The following HPGD variants were observed in gnomAD, a reference collection of about 807,000 sequenced individuals.
HPGD encodes 15-hydroxyprostaglandin dehydrogenase [NAD(+)].
Under a neutral mutation model 30.0 loss-of-function variants are expected in HPGD, and 29 were observed. The observed-to-expected ratio is 0.97, with a 90% CI of 0.72 to 1.32. HPGD has a LOEUF of 1.32. HPGD is among the 40% of genes most tolerant of loss of function. HPGD has a pLI of 0.00. For missense variants in HPGD, 340 were observed against 322.1 expected, an observed-to-expected ratio of 1.06 and a Z score of -0.43; for synonymous variants, 99 against 112.4, an observed-to-expected ratio of 0.88 and a Z score of 0.75.
intron 4 of HPGD, among the ~76,000 whole-genome samples, chr4:174,505,529 G>A (rs757460859): frequency 2.6e-5 from 4 of 152,200 alleles, no homozygotes; most frequent in African/African-American, 7.2e-5. Flanking sequence ...TGATGAAGAC[G>A]GAGGGGTCCT....
chr4:174,502,067 T>C (rs982024898), intron 4 of HPGD, among the ~76,000 whole-genome samples: 10 of 152,180 alleles, frequency 6.6e-5, no homozygotes, highest in African/African-American at 2.2e-4. Flanking sequence ...CTGATACTCG[T>C]ATGATAACCT....
intron 4 of HPGD, among the ~76,000 whole-genome samples, chr4:174,506,096 T>C (rs1385009283): frequency 1.3e-5 from 2 of 151,944 alleles, no homozygotes; most frequent in African/African-American, 4.8e-5. Flanking sequence ...ACACCTGGGG[T>C]TGGCGGGAGG....
intron 4 of HPGD, 53 bp downstream of exon 4, chr4:174,508,643 G>A: frequency 1.0e-6 from 1 of 993,288 alleles, no homozygotes; most frequent in Non-Finnish European, 1.6e-6. Context: ...TTGTTTTTGT[G>A]GTCCAAATTA....
chr4:174,510,953 T>A (rs1413267710), intron 3 of HPGD, among the ~76,000 whole-genome samples: 3 of 152,170 alleles, frequency 2.0e-5, no homozygotes, highest in Non-Finnish European at 2.9e-5. Flanking sequence ...AAAATGTAGA[T>A]TTTGATGCTC....
At chr4:174,501,283 A>G (rs1032827263) in intron 4 of HPGD, among the ~76,000 whole-genome samples, 2 of 152,184 alleles carry the variant, frequency 1.3e-5, no homozygotes, top group Admixed American at 1.3e-4. Context: ...AATTCTCAAA[A>G]TTAGGGAGCA....
intron 4 of HPGD, among the ~76,000 whole-genome samples, chr4:174,503,149 T>A (rs746894211): frequency 7.2e-5 from 11 of 152,122 alleles, no homozygotes; most frequent in Admixed American, 5.2e-4. Context: ...ACTTCTACTA[T>A]GTGTCTTTTA....
chr4:174,499,593 C>G (rs1734804951), intron 4 of HPGD, among the ~76,000 whole-genome samples: 1 of 152,188 alleles, frequency 6.6e-6, no homozygotes, highest in African/African-American at 2.4e-5. Flanking sequence ...TCATTCCCAT[C>G]AGGCTTTCAT....
At position 174,492,041 on chromosome 4, in the gene HPGD, T is replaced by C; in HGVS notation, c.716A>G (p.Asn239Ser). The C allele has an allele frequency of 6.2e-7, 1 of 1,609,818 alleles. No homozygotes were observed. Among genetic ancestry groups the C allele is most frequent in the Non-Finnish European group, 8.5e-7 (1 of 1,176,400 alleles). ...LITLIEDDAL[N>S]GAIMKITTSK... ...AGTTGTGATCTTCATAATAGCACCATTTAAAGCATCATCTTCAATGAGTGT... is the reference window on the plus strand; with the variant it reads ...AGTTGTGATCTTCATAATAGCACCACTTAAAGCATCATCTTCAATGAGTGT... The change falls in exon 7 of 7, where the codon AAT becomes AGT. Residue 239 changes from asparagine (N) to serine (S), a missense_variant. Transcript: ENST00000296522. The surrounding 1 kb of genome is among the most constrained non-coding windows in gnomAD (Gnocchi z 4.9).
intron 4 of HPGD, chr4:174,507,431 T>C (rs942841301): frequency 6.6e-6 from 1 of 152,150 alleles, no homozygotes; most frequent in African/African-American, 2.4e-5. Context: ...AAAGAACCAT[T>C]TGATAATCAT....
chr4:174,495,361 T>C, intron 5 of HPGD, 187 bp downstream of exon 5: 1 of 611,986 alleles, frequency 1.6e-6, no homozygotes, highest in Non-Finnish European at 2.9e-6. Context: ...ATCCACTTCA[T>C]TTAAAAATGA....
intron 3 of HPGD, 68 bp from the exon 4 acceptor site, chr4:174,508,860 A>G (rs1735325918): frequency 2.4e-6 from 2 of 845,354 alleles, no homozygotes; most frequent in African/African-American, 3.3e-5. Context: ...CACACACCAA[A>G]GTTTTTATAG....
At position 174,494,901 on chromosome 4, in the gene HPGD, T is replaced by C. The variant is rs1482143766; in HGVS notation, c.498+647A>G. ...AATCCAAGCTCACAACAGTGGCCCA[T>C]AGCTGCTTTTGGTCTAGCTCCTGTG... On this transcript the variant is annotated intron_variant, in intron 5 of 6. Coordinates refer to ENST00000296522, the MANE Select transcript of HPGD (RefSeq NM_000860.6). The surrounding 1 kb of genome is among the most constrained non-coding windows in gnomAD (Gnocchi z 4.9). 6.6e-6 allele frequency among the ~76,000 whole-genome samples: 1 copy of C among 152,166 alleles called. No individual in the cohort carries two copies. Among genetic ancestry groups the C allele is most frequent in the Non-Finnish European group, 1.5e-5 (1 of 68,020 alleles).
chr4:174,521,861 C>T (rs1736144014), intron 2 of HPGD, 83 bp downstream of exon 2: 1 of 1,557,602 alleles, frequency 6.4e-7, no homozygotes, highest in Non-Finnish European at 8.8e-7. Context: ...AGGCGGCACC[C>T]AGGGCCCCCT....
intron 3 of HPGD, among the ~76,000 whole-genome samples, chr4:174,509,819 T>C (rs187629521): frequency 6.6e-6 from 1 of 152,094 alleles, no homozygotes; most frequent in Admixed American, 6.5e-5. Context: ...ATTTTATTAA[T>C]CACTGCTTAC....
chr4:174,514,994 A>G (rs1735698971), intron 3 of HPGD, among the ~76,000 whole-genome samples: 1 of 152,264 alleles, frequency 6.6e-6, no homozygotes, highest in South Asian at 2.1e-4. Context: ...GAATTGTAAA[A>G]CACTACTGAA....
chr4:174,503,719 A>ATT (rs60031997), intron 4 of HPGD, among the ~76,000 whole-genome samples: 3 of 142,876 alleles, frequency 2.1e-5, no homozygotes, highest in African/African-American at 5.1e-5. Context: ...GGGTTTTTTG[A>ATT]TTTTTTTTTT....
chr4:174,508,004 G>T (rs1428304195), intron 4 of HPGD: 7 of 632,098 alleles, frequency 1.1e-5, no homozygotes, highest in African/African-American at 1.8e-5. Context: ...TGAGCAGAAG[G>T]TCTGCCATTA....
chr4:174,492,226 C>T lies in HPGD; in HGVS notation c.663-132G>A, dbSNP rs1200860731. ...AATGTGTGTCATTAAACTATTGCTA[C>T]TTCCAATTTTTATTTAATTCCATAT... On this transcript the variant is annotated intron_variant, in intron 6 of 6. Transcript: ENST00000296522. The surrounding 1 kb of genome is among the most constrained non-coding windows in gnomAD (Gnocchi z 4.9). 2.9e-5 allele frequency: 22 copies of T among 766,802 alleles called. No individual in the cohort carries two copies. The East Asian group carries it at 5.3e-4, about 18-fold the overall frequency. The allele number at this position is 766,802 out of a possible 1,614,324, so 47.5% of individuals were successfully genotyped here. A position where few individuals can be genotyped will look rare whatever the true frequency, so the allele number is the denominator to read the frequency against.
Position 174,518,036 on chromosome 4 carries a change from T to C in HPGD, c.259A>G (p.Ile87Val), listed in dbSNP as rs1735883240. 2 of 1,606,388 alleles carry C rather than the reference T, an allele frequency of 1.2e-6. No homozygotes were observed. Among genetic ancestry groups the C allele is most frequent in the East Asian group, 4.5e-5 (2 of 44,764 alleles). Residue 87 changes from isoleucine (I) to valine (V), a missense_variant, in exon 3 of 7, where the codon ATT (isoleucine) becomes GTT (valine). Transcript: ENST00000296522. ...KVVDHFGRLD[I>V]LVNNAGVNNE... ...TTCACTCCAGCATTATTGACCAAAATGTCCAGTCTTCCAAAGTGGTCTACA... is the reference window on the plus strand; with the variant it reads ...TTCACTCCAGCATTATTGACCAAAACGTCCAGTCTTCCAAAGTGGTCTACA...
Sources: allele counts gnomAD v4.1 joint callset (sites outside exome capture counted in the v4.1 genomes callset), GRCh38; gene constraint gnomAD v4.1.1; non-coding constraint Gnocchi (gnomAD v3.1); transcripts MANE v1.5; gene names NCBI Gene and HGNC (gene_info 2026-07-23, HGNC 2026-07-21).